RHPN2: variants seen among roughly 807,000 people sequenced by gnomAD.
The protein encoded by RHPN2 is rhophilin Rho GTPase binding protein 2, also known as rhophilin-2.
In RHPN2, 40 loss-of-function variants were observed where a neutral mutation model predicts 79.0. That is an observed-to-expected ratio of 0.51 (90% CI 0.39 to 0.66). The LOEUF is 0.66. Among genes scored for constraint, RHPN2 ranks in the 30% least tolerant of loss-of-function variants. The pLI is 0.00. For missense variants in RHPN2, 686 were observed against 883.5 expected, an observed-to-expected ratio of 0.78 and a Z score of 2.83; for synonymous variants, 285 against 363.5, an observed-to-expected ratio of 0.78 and a Z score of 2.46.
At chr19:33,016,250 T>C (rs1444172047) in intron 4 of RHPN2, among the ~76,000 whole-genome samples, 2 of 152,088 alleles carry the variant, frequency 1.3e-5, no homozygotes, top group African/African-American at 2.4e-5. Context: ...ATCATTCTGT[T>C]TTCCAGGATG....
rs115565172 is a variant in RHPN2 at position 33,035,476 on chromosome 19, A to G, written c.185+8773T>C. On this transcript the variant is annotated intron_variant, in intron 2 of 14. Coordinates refer to ENST00000254260, the MANE Select transcript of RHPN2 (RefSeq NM_033103.5). ...AGATGTAGACCTCTTTAGGTTGGTC[A>G]CTTTGAAACTGTTGGCAGCCAGGTG... Among the ~76,000 whole-genome samples, 898 of 152,308 alleles carry G rather than the reference A, an allele frequency of 5.9e-3. 7 individuals are homozygous for G. Among genetic ancestry groups the G allele is most frequent in the African/African-American group, 0.021 (868 of 41,578 alleles).
intron 1 of RHPN2, among the ~76,000 whole-genome samples, chr19:33,044,775 T>C (rs529810950): frequency 6.6e-6 from 1 of 152,014 alleles, no homozygotes; most frequent in Non-Finnish European, 1.5e-5. Context: ...GCGCCTATAA[T>C]CCCAGCTACT....
At chr19:33,005,436 A>AT (rs1971782462) in intron 7 of RHPN2, among the ~76,000 whole-genome samples, 1 of 149,478 alleles carries the variant, frequency 6.7e-6, no homozygotes, top group Non-Finnish European at 1.5e-5. Flanking sequence ...AAAAAAAAAA[A>AT]ATCTCAATCC....
Position 33,057,493 on chromosome 19 carries a change from C to T in RHPN2, c.69+7291G>A, listed in dbSNP as rs544857017. 2.2e-4 allele frequency among the ~76,000 whole-genome samples: 33 copies of T among 151,420 alleles called. 1 individual carries two copies. In the South Asian group the frequency reaches 6.7e-3, roughly 31 times the overall value. ...TCACCTGAGGTCTGGAGTTCGAGAC[C>T]AACATGGAGAAACTTTGTCTCTACT... On this transcript the variant is annotated intron_variant, in intron 1 of 14. Transcript: ENST00000254260.
intron 4 of RHPN2, among the ~76,000 whole-genome samples, chr19:33,020,801 T>G (rs1234029063): frequency 6.6e-6 from 1 of 152,164 alleles, no homozygotes; most frequent in Non-Finnish European, 1.5e-5. Context: ...GTGCCCGGCC[T>G]TTAGCCATTA....
chr19:32,992,725 T>C (rs1171806892), intron 12 of RHPN2, among the ~76,000 whole-genome samples: 1 of 151,392 alleles, frequency 6.6e-6, no homozygotes, highest in Non-Finnish European at 1.5e-5. Context: ...GCAGGAGGAC[T>C]TCTTGAGCCC....
intron 1 of RHPN2, among the ~76,000 whole-genome samples, chr19:33,056,724 G>GA (rs1451380025): frequency 2.0e-5 from 3 of 151,986 alleles, no homozygotes; most frequent in African/African-American, 7.2e-5. Flanking sequence ...TAATGAGAAA[G>GA]AAAAAATATA....
chr19:32,988,499 T>A (rs1261803511), intron 14 of RHPN2, among the ~76,000 whole-genome samples: 5 of 152,130 alleles, frequency 3.3e-5, no homozygotes, highest in Non-Finnish European at 7.4e-5. Flanking sequence ...GCAGACGCCC[T>A]TCTAAAACAA....
intron 2 of RHPN2, among the ~76,000 whole-genome samples, chr19:33,034,408 A>G (rs919230105): frequency 6.6e-6 from 1 of 151,878 alleles, no homozygotes; most frequent in African/African-American, 2.4e-5. Context: ...GATCAAGACC[A>G]TCCTGGCTAA....
At chr19:33,058,534 C>A (rs958398948) in intron 1 of RHPN2, among the ~76,000 whole-genome samples, 5 of 152,222 alleles carry the variant, frequency 3.3e-5, no homozygotes, top group African/African-American at 1.2e-4. Context: ...GTAATCCCAG[C>A]ACTTTGGGAG....
intron 2 of RHPN2, chr19:33,026,895 TGAGAA>T (rs911042477): frequency 9.8e-6 from 4 of 410,076 alleles, no homozygotes; most frequent in African/African-American, 2.1e-5. Context: ...CACTCAGTCT[TGAGAA>T]GAGAAAACAA....
chr19:33,008,500 T>A (rs1292529393), intron 6 of RHPN2, among the ~76,000 whole-genome samples: 1 of 151,828 alleles, frequency 6.6e-6, no homozygotes, highest in Non-Finnish European at 1.5e-5. Context: ...CTGGGTGCGG[T>A]GGCTCACGCC....
rs147541207 is a variant in RHPN2 at position 32,980,018 on chromosome 19, T to C, written c.2039A>G (p.Asn680Ser). 4.9e-5 allele frequency: 79 copies of C among 1,613,920 alleles called. No homozygotes were observed. The African/African-American group carries it at 9.3e-4, about 19-fold the overall frequency. ...KKLPSPFSLL[N>S]SDSSWY ...ACATTAGTACCAAGAACTGTCTGAG[T>C]TGAGAAGGCTGAAAGGGGAGGGCAG... The change falls in exon 15 of 15, where the codon AAC becomes AGC. Residue 680 changes from asparagine (N) to serine (S), a missense_variant. Transcript: ENST00000254260.
intron 2 of RHPN2, among the ~76,000 whole-genome samples, chr19:33,034,025 A>ATTTTTTTTTTTTAATTTTAG (rs200075991): frequency 0.011 from 1,661 of 146,584 alleles, 27 homozygotes; most frequent in African/African-American, 0.04. Context: ...TTGGCAAAAC[A>ATTTTTTTTTTTTAATTTTAG]TTTTTTTTTT....
intron 14 of RHPN2, among the ~76,000 whole-genome samples, chr19:32,985,491 G>C (rs1971607140): frequency 6.6e-6 from 1 of 152,132 alleles, no homozygotes; most frequent in African/African-American, 2.4e-5. Context: ...CGAAAAATTA[G>C]CTGGGTATGG....
chr19:33,060,411 A>G (rs1426729391), intron 1 of RHPN2, among the ~76,000 whole-genome samples: 4 of 152,130 alleles, frequency 2.6e-5, no homozygotes, highest in Non-Finnish European at 4.4e-5. Flanking sequence ...CAGCTCTATC[A>G]TTCCAACCTC....
chr19:33,063,801 A>ACCCGCCC (rs1972301995), intron 1 of RHPN2, among the ~76,000 whole-genome samples: 3 of 133,404 alleles, frequency 2.2e-5, no homozygotes, highest in South Asian at 2.8e-4. Flanking sequence ...CGAGGCCGGC[A>ACCCGCCC]CCCGCCACCC....
chr19:33,004,552 A>T (rs1971775577), intron 7 of RHPN2, among the ~76,000 whole-genome samples: 1 of 152,126 alleles, frequency 6.6e-6, no homozygotes, highest in Non-Finnish European at 1.5e-5. Flanking sequence ...TAATAAAAAA[A>T]CTGGTTAAAA....
At chr19:33,041,099 A>T (rs1972096706) in intron 2 of RHPN2, among the ~76,000 whole-genome samples, 1 of 152,214 alleles carries the variant, frequency 6.6e-6, no homozygotes, top group South Asian at 2.1e-4. Context: ...TGGTTTTTCA[A>T]GTGCCTGCCT....
Sources: gnomAD v4.1 joint callset for allele counts (sites outside exome capture counted in the v4.1 genomes callset) on GRCh38, gnomAD v4.1.1 for gene constraint, MANE v1.5 for transcripts, NCBI Gene and HGNC (gene_info 2026-07-23, HGNC 2026-07-21) for gene names.